Variants in SLC6A6 observed in about 807,000 individuals in gnomAD.
SLC6A6 encodes the protein solute carrier family 6 member 6.
SLC6A6 carries 16 observed loss-of-function variants against 68.8 expected under a neutral mutation model. The ratio of observed to expected loss-of-function variants is 0.23; its 90% CI spans 0.16 to 0.35. The LOEUF is 0.35. SLC6A6 is among the 10% of genes least tolerant of loss of function. SLC6A6 has a pLI of 1.00. For missense variants in SLC6A6, 474 were observed against 802.8 expected, an observed-to-expected ratio of 0.59 and a Z score of 4.95; for synonymous variants, 312 against 315.4, an observed-to-expected ratio of 0.99 and a Z score of 0.12.
intron 5 of SLC6A6, among the ~76,000 whole-genome samples, chr3:14,454,267 T>C (rs1347853722): frequency 7.5e-6 from 1 of 133,632 alleles, no homozygotes; most frequent in African/African-American, 3.0e-5. Context: ...GTCAGGGGCC[T>C]GGACAGGGGC....
chr3:14,455,796 G>A (rs550236867), intron 5 of SLC6A6, among the ~76,000 whole-genome samples: 143 of 152,334 alleles, frequency 9.4e-4, no homozygotes, highest in Non-Finnish European at 1.6e-3. Flanking sequence ...CGTGGCAGGC[G>A]CCAGATCCAC....
chr3:14,446,785 C>T (rs772180147), intron 4 of SLC6A6, among the ~76,000 whole-genome samples: 5 of 152,210 alleles, frequency 3.3e-5, no homozygotes, highest in Non-Finnish European at 4.4e-5. Context: ...ACGTAGAATG[C>T]TTTGTACACA....
At chr3:14,483,922 G>A (rs776879669) in intron 14 of SLC6A6, among the ~76,000 whole-genome samples, 29 of 152,050 alleles carry the variant, frequency 1.9e-4, no homozygotes, top group Middle Eastern at 3.2e-3. Context: ...GACCTTGAGC[G>A]ATCCTCCTGC....
intron 5 of SLC6A6, among the ~76,000 whole-genome samples, chr3:14,451,487 G>A (rs1010827586): frequency 6.6e-5 from 10 of 152,240 alleles, no homozygotes; most frequent in Non-Finnish European, 1.0e-4. Flanking sequence ...TAGGATGCAC[G>A]GGTGAGGGCC....
At chr3:14,459,493 C>A (rs1700446295) in intron 6 of SLC6A6, among the ~76,000 whole-genome samples, 1 of 152,024 alleles carries the variant, frequency 6.6e-6, no homozygotes, top group Non-Finnish European at 1.5e-5. Flanking sequence ...CTGCTTGTTT[C>A]TTGGGGCAGA....
At chr3:14,475,832 C>G (rs1386040395) in intron 10 of SLC6A6, among the ~76,000 whole-genome samples, 1 of 152,202 alleles carries the variant, frequency 6.6e-6, no homozygotes, top group Non-Finnish European at 1.5e-5. Flanking sequence ...GTCAAAAAAG[C>G]AGCCTCTTCT....
At chr3:14,403,077 AGTGTGTGTGTGTGTGTGTGTGTGTGT>A (rs34547966) in intron 1 of SLC6A6, among the ~76,000 whole-genome samples, 1 of 143,324 alleles carries the variant, frequency 7.0e-6, no homozygotes, top group African/African-American at 2.6e-5. Context: ...GCGGCAGGAG[AGTGTGTGTGTGTGTGTGTGTGTGTGT>A]GTGTGTGTGT....
At chr3:14,436,792 G>A (rs1699866413) in intron 2 of SLC6A6, among the ~76,000 whole-genome samples, 1 of 152,112 alleles carries the variant, frequency 6.6e-6, no homozygotes, top group African/African-American at 2.4e-5. Context: ...TGTTTCATTA[G>A]CTGGCCTGGC....
intron 3 of SLC6A6, chr3:14,444,651 A>T: frequency 2.3e-6 from 1 of 439,334 alleles, no homozygotes; most frequent in South Asian, 1.6e-5. Flanking sequence ...GTGTCAGCAG[A>T]GATGGGCATG....
At chr3:14,467,144 A>AG (rs1700638851) in intron 7 of SLC6A6, among the ~76,000 whole-genome samples, 1 of 152,036 alleles carries the variant, frequency 6.6e-6, no homozygotes, top group African/African-American at 2.4e-5. Context: ...GACCTTGGGG[A>AG]GGTGGAGAAA....
At chr3:14,415,370 C>T (rs1699339641) in intron 1 of SLC6A6, among the ~76,000 whole-genome samples, 2 of 152,176 alleles carry the variant, frequency 1.3e-5, no homozygotes, top group African/African-American at 4.8e-5. Context: ...TTTACTGACA[C>T]TGGCAAGTGC....
At chr3:14,442,438 T>A (rs148991672) in intron 2 of SLC6A6, among the ~76,000 whole-genome samples, 1 of 152,342 alleles carries the variant, frequency 6.6e-6, no homozygotes, top group African/African-American at 2.4e-5. Flanking sequence ...CCCTCTGTTA[T>A]GTTGTGGGTC....
chr3:14,459,883 CTTTTTTTTTTTTTTT>C (rs869191764), intron 6 of SLC6A6, among the ~76,000 whole-genome samples: 1 of 40,178 alleles, frequency 2.5e-5, no homozygotes. Context: ...TAATTCTCTT[CTTTTTTTTTTTTTTT>C]TTTTTTTTTT....
Position 14,472,178 on chromosome 3 carries a change from C to G in SLC6A6, c.1097-27C>G. 2.8e-6 allele frequency: 4 copies of G among 1,404,578 alleles called. No homozygotes were observed. The highest frequency in any genetic ancestry group is 4.0e-6 in the Non-Finnish European group (4 of 989,360). The allele number at this position is 1,404,578 out of a possible 1,614,324, so 87.0% of individuals were successfully genotyped here. On this transcript the variant is annotated intron_variant, in intron 9 of 14. Coordinates refer to ENST00000622186, the MANE Select transcript of SLC6A6 (RefSeq NM_003043.6). The surrounding 1 kb of genome is among the most constrained non-coding windows in gnomAD (Gnocchi z 4.5). ...GGTGGCTGATGTCTCCTCCCCTGTGCCCCTCCCCGTTTTCTTTCCTTTCTA... is the reference window on the plus strand; with the variant it reads ...GGTGGCTGATGTCTCCTCCCCTGTGGCCCTCCCCGTTTTCTTTCCTTTCTA...
intron 5 of SLC6A6, among the ~76,000 whole-genome samples, chr3:14,454,416 C>A (rs1193443048): frequency 6.6e-6 from 1 of 152,116 alleles, no homozygotes; most frequent in African/African-American, 2.4e-5. Context: ...ACTGAGCACG[C>A]CCTCACTGCT....
In SLC6A6 at chr3:14,410,155, C is replaced by T. The variant is rs115810065; in HGVS notation, c.-53-6257C>T. 9.6e-3 allele frequency among the ~76,000 whole-genome samples: 1,283 copies of T among 134,076 alleles called. 24 individuals are homozygous for T. Among genetic ancestry groups the T allele is most frequent in the African/African-American group, 0.034 (1,163 of 34,336 alleles). 88.0% of individuals were successfully genotyped at this position (134,076 alleles called of 152,430 possible). A position where few individuals can be genotyped will look rare whatever the true frequency, so the allele number is the denominator to read the frequency against. ...TCTCGCTACTGCCCTCCATCCTATG[C>T]GACAGAGTGAGACTCCATCTCAAAA... On this transcript the variant is annotated intron_variant, in intron 1 of 14. Transcript: ENST00000622186.
intron 1 of SLC6A6, among the ~76,000 whole-genome samples, chr3:14,413,073 C>T (rs1340399327): frequency 6.6e-6 from 1 of 152,236 alleles, no homozygotes; most frequent in Non-Finnish European, 1.5e-5. Context: ...GCTAGCCAGG[C>T]TGCTGACAGC....
At chr3:14,438,147 C>A (rs910456125) in intron 2 of SLC6A6, among the ~76,000 whole-genome samples, 2 of 151,822 alleles carry the variant, frequency 1.3e-5, no homozygotes, top group Admixed American at 1.3e-4. Context: ...GCCTGGCCCA[C>A]TTTTTCTTTT....
At chr3:14,419,907 A>T (rs1383210446) in intron 2 of SLC6A6, among the ~76,000 whole-genome samples, 1 of 151,680 alleles carries the variant, frequency 6.6e-6, no homozygotes, top group African/African-American at 2.4e-5. Flanking sequence ...TAACAGGGAG[A>T]CCCTCTCTGG....
Sources: gnomAD v4.1 joint callset for allele counts (sites outside exome capture counted in the v4.1 genomes callset) on GRCh38, gnomAD v4.1.1 for gene constraint, Gnocchi (gnomAD v3.1) non-coding constraint, MANE v1.5 for transcripts, NCBI Gene and HGNC (gene_info 2026-07-23, HGNC 2026-07-21) for gene names.